The following MCC variants were observed in gnomAD, a reference collection of about 807,000 sequenced individuals.
MCC encodes the protein MCC regulator of Wnt signaling pathway.
A neutral mutation model predicts 116.2 loss-of-function variants in MCC; 90 were observed. The ratio of observed to expected loss-of-function variants is 0.77; its 90% confidence interval spans 0.65 to 0.92. The LOEUF is 0.92. Among genes scored for constraint, MCC ranks in the 40% least tolerant of loss-of-function variants. The probability of loss-of-function intolerance (pLI) is 0.00; values close to 1 mark genes in which losing one functional copy is unlikely to be tolerated. For synonymous variants in MCC, 578 were observed against 510.5 expected, an observed-to-expected ratio of 1.13 and a Z score of -1.78; for missense variants, 1,516 against 1,312.2, an observed-to-expected ratio of 1.16 and a Z score of -2.40.
chr5:113,048,973 C>T, intron 16 of MCC, 120 bp downstream of exon 16: 3 of 901,482 alleles, frequency 3.3e-6, no homozygotes, highest in Non-Finnish European at 5.3e-6. Flanking sequence ...GAATGGCCTG[C>T]ATTTCCTATG....
At chr5:113,215,921 A>G (rs1316576273) in intron 3 of MCC, among the ~76,000 whole-genome samples, 1 of 152,138 alleles carries the variant, frequency 6.6e-6, no homozygotes, top group Non-Finnish European at 1.5e-5. Flanking sequence ...CCACACTCTG[A>G]TCTCTCAAAG....
chr5:113,417,210 C>T (rs1307527398), intron 1 of MCC, among the ~76,000 whole-genome samples: 1 of 152,224 alleles, frequency 6.6e-6, no homozygotes, highest in Non-Finnish European at 1.5e-5. Context: ...CCTCATGATC[C>T]GCCCACCTAG....
intron 3 of MCC, among the ~76,000 whole-genome samples, chr5:113,302,759 A>G (rs1306003685): frequency 6.6e-6 from 1 of 152,194 alleles, no homozygotes; most frequent in Non-Finnish European, 1.5e-5. Flanking sequence ...AATTCATGCT[A>G]CTCGCTGTCC....
At chr5:113,218,137 G>C (rs1463213313) in intron 3 of MCC, among the ~76,000 whole-genome samples, 8 of 146,398 alleles carry the variant, frequency 5.5e-5, no homozygotes, top group Admixed American at 3.4e-4. Context: ...TATGGAGAGT[G>C]GGGGGGTGGG....
At chr5:113,214,480 G>C (rs1249902578) in intron 3 of MCC, among the ~76,000 whole-genome samples, 1 of 152,170 alleles carries the variant, frequency 6.6e-6, no homozygotes. Context: ...GAGAATCTAA[G>C]AGATAAATAC....
At chr5:113,255,639 C>G (rs185211547) in intron 3 of MCC, among the ~76,000 whole-genome samples, 1 of 152,282 alleles carries the variant, frequency 6.6e-6, no homozygotes, top group East Asian at 1.9e-4. Flanking sequence ...TATTAATAGC[C>G]TGTCAAAGAC....
chr5:113,372,842 C>T (rs1768870490), intron 2 of MCC, among the ~76,000 whole-genome samples: 1 of 152,122 alleles, frequency 6.6e-6, no homozygotes, highest in Non-Finnish European at 1.5e-5. Flanking sequence ...TAAGCATGAG[C>T]CACTGAGCCC....
chr5:113,379,588 C>A (rs1685996339), intron 2 of MCC, among the ~76,000 whole-genome samples: 1 of 152,056 alleles, frequency 6.6e-6, no homozygotes. Flanking sequence ...AAGTAAAGTG[C>A]CTAGCAAATT....
rs890915222 is a variant in MCC, at chr5:113,023,175, A to C, written c.*4127T>G. 10 of 152,240 alleles carry C rather than the reference A, an allele frequency of 6.6e-5. No individual in the cohort carries two copies. The highest frequency in any genetic ancestry group is 2.6e-4 in the Admixed American group (4 of 15,284). 9.4% of individuals were successfully genotyped at this position (152,240 alleles called of 1,614,324 possible). ...AGTAATTTCAGGTGTGTTAAACAGGAGATGCTTCTGAAGGCCACAAGTTTG... is the reference window on the plus strand; with the variant it reads ...AGTAATTTCAGGTGTGTTAAACAGGCGATGCTTCTGAAGGCCACAAGTTTG... On this transcript the variant is annotated 3_prime_UTR_variant, in exon 19 of 19. Transcript: ENST00000408903.
At chr5:113,301,074 C>T (rs1465591871) in intron 3 of MCC, among the ~76,000 whole-genome samples, 1 of 152,196 alleles carries the variant, frequency 6.6e-6, no homozygotes, top group Non-Finnish European at 1.5e-5. Flanking sequence ...TATTGTCCTG[C>T]ATGTGCCCTG....
rs753900877 is a variant in MCC at position 113,434,455 on chromosome 5, C to A, written c.171-49243G>T. The A allele has an allele frequency of 1.9e-6, 3 of 1,613,286 alleles. No individual in the cohort carries two copies. The highest frequency in any genetic ancestry group is 2.5e-6 in the Non-Finnish European group (3 of 1,179,784). ...AGGTCCCGGTGGACGACGTCCAGGT[C>A]GTGGCAGTACTTGATGGCCAAGGAA... On this transcript the variant is annotated intron_variant, in intron 1 of 18. Transcript: ENST00000408903. This position sits in a 1 kb window ranked among gnomAD's most constrained non-coding sequence, Gnocchi z 4.2.
At chr5:113,118,478 C>A (rs868422856) in intron 6 of MCC, among the ~76,000 whole-genome samples, 18 of 152,186 alleles carry the variant, frequency 1.2e-4, no homozygotes, top group Non-Finnish European at 2.6e-4. Flanking sequence ...AAGACAGTGT[C>A]CAGGAACCAG....
At chr5:113,403,202 C>T (rs1769740686) in intron 1 of MCC, among the ~76,000 whole-genome samples, 1 of 152,002 alleles carries the variant, frequency 6.6e-6, no homozygotes, top group Non-Finnish European at 1.5e-5. Flanking sequence ...AGGAATGGCA[C>T]AGAACAGCAA....
chr5:113,256,531 G>A (rs1393079241), intron 3 of MCC, among the ~76,000 whole-genome samples: 5 of 152,256 alleles, frequency 3.3e-5, no homozygotes, highest in Middle Eastern at 3.4e-3. Flanking sequence ...GTATGCAAAG[G>A]TCTAGAAGCA....
chr5:113,292,700 G>GC (rs1455046069), intron 3 of MCC, among the ~76,000 whole-genome samples: 11 of 152,104 alleles, frequency 7.2e-5, no homozygotes, highest in Non-Finnish European at 1.2e-4. Context: ...CAGGGTTCTA[G>GC]CCCCCCCTTC....
chr5:113,431,224 C>T (rs1288477127), intron 1 of MCC, among the ~76,000 whole-genome samples: 3 of 152,190 alleles, frequency 2.0e-5, no homozygotes, highest in African/African-American at 7.2e-5. Flanking sequence ...AGGGCCTAAC[C>T]AGATTAGTTG....
chr5:113,071,873 G>C (rs983296812), intron 11 of MCC, among the ~76,000 whole-genome samples: 8 of 152,164 alleles, frequency 5.3e-5, no homozygotes, highest in Admixed American at 3.3e-4. Context: ...GCCTTTAAGT[G>C]GGAAATGGAC....
intron 1 of MCC, among the ~76,000 whole-genome samples, chr5:113,416,677 T>C (rs1332279270): frequency 2.0e-5 from 3 of 152,138 alleles, no homozygotes; most frequent in Admixed American, 6.5e-5. Context: ...GACAGTTAGA[T>C]GAAGTGGCTA....
intron 3 of MCC, among the ~76,000 whole-genome samples, chr5:113,211,601 C>T (rs1261519242): frequency 6.6e-6 from 1 of 152,164 alleles, no homozygotes; most frequent in Admixed American, 6.5e-5. Context: ...GTACTGTCAG[C>T]ATATCTAAAG....
Sources: gnomAD v4.1 joint callset for allele counts (sites outside exome capture counted in the v4.1 genomes callset) on GRCh38, gnomAD v4.1.1 for gene constraint, Gnocchi (gnomAD v3.1) non-coding constraint, MANE v1.5 for transcripts, NCBI Gene and HGNC (gene_info 2026-07-23, HGNC 2026-07-21) for gene names.